Variants in SUFU observed in about 807,000 individuals in gnomAD.
The protein encoded by SUFU is suppressor of fused homolog.
SUFU carries 7 observed loss-of-function variants against 58.9 expected under a neutral mutation model. The ratio of observed to expected loss-of-function variants is 0.12; its 90% CI spans 0.07 to 0.22. The LOEUF is 0.22. Among genes scored for constraint, SUFU ranks in the 10% least tolerant of loss-of-function variants. SUFU has a pLI of 1.00. For missense variants in SUFU, 451 were observed against 641.3 expected (o/e 0.70, Z 3.20); for synonymous variants, 232 against 254.8 (o/e 0.91, Z 0.85).
chr10:102,515,137 G>A (rs1005063358), intron 2 of SUFU, among the ~76,000 whole-genome samples: 10 of 152,178 alleles, frequency 6.6e-5, no homozygotes, highest in African/African-American at 2.2e-4. Context: ...GCCTCCACCC[G>A]GTTGGTGGAG....
chr10:102,603,984 A>T (rs918997378), intron 8 of SUFU, among the ~76,000 whole-genome samples: 1 of 152,232 alleles, frequency 6.6e-6, no homozygotes, highest in African/African-American at 2.4e-5. Context: ...GTGAGTTTCC[A>T]TCTGGGGAAA....
intron 10 of SUFU, among the ~76,000 whole-genome samples, chr10:102,621,803 T>G (rs1242407884): frequency 6.6e-6 from 1 of 152,196 alleles, no homozygotes; most frequent in Admixed American, 6.5e-5. Flanking sequence ...CTGGACAAAG[T>G]GTGGATTGTC....
chr10:102,503,599 T>G (rs569471510), upstream of SUFU, among the ~76,000 whole-genome samples: 4 of 152,352 alleles, frequency 2.6e-5, no homozygotes, highest in South Asian at 8.3e-4. Context: ...ACATTAGATT[T>G]ATTATCATCT....
chr10:102,557,161 G>A lies in SUFU; in HGVS notation c.454+7055G>A, dbSNP rs559385588. 7.3e-5 allele frequency among the ~76,000 whole-genome samples: 11 copies of A among 151,472 alleles called. No homozygotes were observed. The South Asian group carries it at 2.3e-3, about 32-fold the overall frequency. On this transcript the variant is annotated intron_variant, in intron 3 of 11. Coordinates refer to ENST00000369902, the MANE Select transcript of SUFU (RefSeq NM_016169.4). The stretch of plus-strand genomic sequence containing the variant: ...GGGAGGCTGAGTTTGAGCCCAGGAG[G>A]TCAAGGCTACAGTTAGCTGTGATCA...
Position 102,551,562 on chromosome 10 carries a change from C to T in SUFU, c.454+1456C>T, listed in dbSNP as rs547344638. Among the ~76,000 whole-genome samples the T allele has an allele frequency of 3.3e-5, 5 of 151,170 alleles. No individual in the cohort carries two copies. The South Asian group carries it at 6.3e-4, about 19-fold the overall frequency. ...CTGAGGCAGGAGAATCGCTTGAACG[C>T]GGGAGGCAGATGTTACTGTGAGCCA... On this transcript the variant is annotated intron_variant, in intron 3 of 11. Transcript: ENST00000369902.
chr10:102,583,566 G>A (rs1474573444), intron 3 of SUFU, among the ~76,000 whole-genome samples: 2 of 152,154 alleles, frequency 1.3e-5, no homozygotes, highest in Non-Finnish European at 2.9e-5. Context: ...AAACAGTTTG[G>A]GTTTGCACAG....
Position 102,594,063 on chromosome 10 carries a change from C to T in SUFU, c.754C>T (p.Gln252Ter). 1 of 1,614,036 alleles carries T rather than the reference C, an allele frequency of 6.2e-7. No homozygotes were observed. Among genetic ancestry groups the T allele is most frequent in the Non-Finnish European group, 8.5e-7 (1 of 1,179,922 alleles). Reference protein sequence around the residue: ...ETIFEIDPHLQERVDKGIETD... With the variant: ...ETIFEIDPHL ...CATATTTGAGATCGATCCACACCTGCAAGTATGTCTTGAGTGAGGAAAACC... is the reference window on the plus strand; with the variant it reads ...CATATTTGAGATCGATCCACACCTGTAAGTATGTCTTGAGTGAGGAAAACC... Residue 252 changes from glutamine to a stop codon, truncating the protein, a stop_gained and splice_region_variant, in exon 6 of 12, where the codon CAA becomes TAA. Coordinates refer to ENST00000369902, the MANE Select transcript of SUFU (RefSeq NM_016169.4). LOFTEE classifies it high-confidence loss of function.
In SUFU at chr10:102,597,300, G is replaced by A. The variant is rs2135882495; in HGVS notation, c.910+7G>A. 2 of 1,611,424 alleles carry A rather than the reference G, an allele frequency of 1.2e-6. No homozygotes were observed. Among genetic ancestry groups the A allele is most frequent in the East Asian group, 4.5e-5 (2 of 44,836 alleles). ...CGGCGACTCTCTGGCAAAGGTGGGAGCCATCACTCAGCATTCCACCAGCCT... is the reference window on the plus strand; with the variant it reads ...CGGCGACTCTCTGGCAAAGGTGGGAACCATCACTCAGCATTCCACCAGCCT... On this transcript the variant is annotated splice_region_variant and intron_variant, in intron 7 of 11. Coordinates refer to ENST00000369902, the MANE Select transcript of SUFU (RefSeq NM_016169.4).
rs574239266 is a variant in SUFU at position 102,614,871 on chromosome 10, A to G, written c.1023-397A>G. On this transcript the variant is annotated intron_variant, in intron 8 of 11. Transcript: ENST00000369902. Reference sequence around the variant, plus strand: ...AGCCTGGGTAATAGAACGAGACACCATCTCAATTAAAAAAAAAAAAAAAAT... The same window carrying G: ...AGCCTGGGTAATAGAACGAGACACCGTCTCAATTAAAAAAAAAAAAAAAAT... Among the ~76,000 whole-genome samples the G allele has an allele frequency of 2.0e-5, 3 of 150,306 alleles. No homozygotes were observed. The South Asian group carries it at 6.4e-4, about 32-fold the overall frequency.
rs990436520 is a variant in SUFU, at chr10:102,553,709, C to T, written c.454+3603C>T. Reference sequence around the variant, plus strand: ...CCATCTCCTGACCTCGTGATCCGCCCGCCTCAGCCTCCCAAAGTGCTGGGA... The same window carrying T: ...CCATCTCCTGACCTCGTGATCCGCCTGCCTCAGCCTCCCAAAGTGCTGGGA... On this transcript the variant is annotated intron_variant, in intron 3 of 11. Transcript: ENST00000369902. 9.9e-5 allele frequency among the ~76,000 whole-genome samples: 15 copies of T among 151,978 alleles called. No individual in the cohort carries two copies. In the East Asian group the frequency reaches 1.2e-3, roughly 12 times the overall value.
chr10:102,592,331 G>A (rs964548856), intron 3 of SUFU, among the ~76,000 whole-genome samples: 2 of 150,986 alleles, frequency 1.3e-5, no homozygotes, highest in African/African-American at 4.9e-5. Context: ...GGTTTCCCAG[G>A]CCGAAGGAGC....
intron 2 of SUFU, among the ~76,000 whole-genome samples, chr10:102,515,449 G>A (rs1260546882): frequency 6.6e-6 from 1 of 151,656 alleles, no homozygotes; most frequent in Non-Finnish European, 1.5e-5. Context: ...CCAAGTAGCT[G>A]GGACTACAGG....
intron 10 of SUFU, chr10:102,618,781 C>A (rs548605208): frequency 5.8e-6 from 3 of 515,502 alleles, no homozygotes; most frequent in African/African-American, 3.8e-5. Flanking sequence ...CATTCCCTAC[C>A]CCCAGCCATG....
At chr10:102,611,639 C>T (rs918902122) in intron 8 of SUFU, among the ~76,000 whole-genome samples, 2 of 152,230 alleles carry the variant, frequency 1.3e-5, no homozygotes, top group South Asian at 2.1e-4. Flanking sequence ...AGCCAGCTAA[C>T]GTCAACACAT....
At chr10:102,573,162 A>C (rs1231582764) in intron 3 of SUFU, 4 of 774,078 alleles carry the variant, frequency 5.2e-6, no homozygotes, top group African/African-American at 5.1e-5. Flanking sequence ...TTGGCCTTCA[A>C]AGCCTTTGCT....
In SUFU at chr10:102,593,557, CAG is replaced by C; in HGVS notation, c.598-74_598-73del. ...TGTGGTCTCCCAACTGGAGGTGACTCAGAGAGCCTGGGTAGCTGACCTTCTTG... is the reference window on the plus strand; with the variant it reads ...TGTGGTCTCCCAACTGGAGGTGACTCAGAGCCTGGGTAGCTGACCTTCTTG... On this transcript the variant is annotated intron_variant, in intron 4 of 11. Transcript: ENST00000369902. 5 of 1,445,226 alleles carry C rather than the reference CAG, an allele frequency of 3.5e-6. No homozygotes were observed. In the Admixed American group the frequency reaches 8.4e-5, roughly 24 times the overall value. The allele number at this position is 1,445,226 out of a possible 1,614,324, so 89.5% of individuals were successfully genotyped here.
At chr10:102,513,364 G>T (rs1486920116) in intron 2 of SUFU, among the ~76,000 whole-genome samples, 1 of 152,204 alleles carries the variant, frequency 6.6e-6, no homozygotes, top group Non-Finnish European at 1.5e-5. Context: ...TCCACTGTCT[G>T]TGTCTTCTCT....
At chr10:102,563,255 C>G (rs1021167941) in intron 3 of SUFU, among the ~76,000 whole-genome samples, 3 of 152,126 alleles carry the variant, frequency 2.0e-5, no homozygotes, top group Non-Finnish European at 2.9e-5. Context: ...CTGTGTGGAA[C>G]AAACTTTCCA....
At chr10:102,531,489 C>T (rs532374983) in intron 2 of SUFU, among the ~76,000 whole-genome samples, 10 of 152,178 alleles carry the variant, frequency 6.6e-5, no homozygotes, top group South Asian at 2.1e-4. Flanking sequence ...TTCCTTTGTT[C>T]GGCTGCTTTC....
Sources: allele counts gnomAD v4.1 joint callset (sites outside exome capture counted in the v4.1 genomes callset), GRCh38; gene constraint gnomAD v4.1.1; transcripts MANE v1.5; gene names NCBI Gene and HGNC (gene_info 2026-07-23, HGNC 2026-07-21).